ADGRL3: variants seen among roughly 807,000 people sequenced by gnomAD.
ADGRL3 encodes adhesion G protein-coupled receptor L3.
Under a neutral mutation model 153.5 loss-of-function variants are expected in ADGRL3, and 62 were observed. The ratio of observed to expected loss-of-function variants is 0.40; its 90% confidence interval spans 0.33 to 0.50. The LOEUF (loss-of-function observed/expected upper bound fraction) is 0.50. Ranked by LOEUF, ADGRL3 falls within the 20% of genes least tolerant of loss-of-function variation. ADGRL3 has a pLI of 0.47. For missense variants in ADGRL3, 1,641 were observed against 1,859.4 expected, an observed-to-expected ratio of 0.88 and a Z score of 2.16; for synonymous variants, 710 against 672.5, an observed-to-expected ratio of 1.06 and a Z score of -0.86.
intron 8 of ADGRL3, among the ~76,000 whole-genome samples, chr4:61,798,999 G>GTATATATATATATA (rs34782885): frequency 6.2e-5 from 5 of 80,756 alleles, no homozygotes; most frequent in East Asian, 3.8e-4. Flanking sequence ...TATATAAACA[G>GTATATATATATATA]TATATATATA....
chr4:61,877,344 C>G (rs911014842), intron 9 of ADGRL3, among the ~76,000 whole-genome samples: 3 of 152,128 alleles, frequency 2.0e-5, no homozygotes, highest in Non-Finnish European at 4.4e-5. Context: ...AACAGTGAAA[C>G]TATAGAGTTG....
intron 2 of ADGRL3, among the ~76,000 whole-genome samples, chr4:61,407,169 T>A (rs546956732): frequency 6.6e-6 from 1 of 152,204 alleles, no homozygotes; most frequent in South Asian, 2.1e-4. Context: ...TAATTTATTA[T>A]AATTTTGCAG....
chr4:61,637,457 T>C (rs528533077), intron 5 of ADGRL3, among the ~76,000 whole-genome samples: 245 of 152,232 alleles, frequency 1.6e-3, no homozygotes, highest in Non-Finnish European at 1.8e-3. Flanking sequence ...GAAACTAATA[T>C]GGGCATAAGT....
intron 2 of ADGRL3, among the ~76,000 whole-genome samples, chr4:61,445,155 T>C (rs1411905686): frequency 6.6e-6 from 1 of 152,212 alleles, no homozygotes; most frequent in African/African-American, 2.4e-5. Context: ...TCTTATGTAA[T>C]CTAAGAGAAA....
At chr4:61,404,824 C>T (rs9991089) in intron 2 of ADGRL3, among the ~76,000 whole-genome samples, 149,936 of 152,154 alleles carry the variant, frequency 0.99, 73,908 homozygotes, top group Middle Eastern at 1. Context: ...CGTGGTTAAA[C>T]AATGGCTTAG....
At chr4:61,580,677 G>T (rs969803513) in intron 4 of ADGRL3, among the ~76,000 whole-genome samples, 1 of 152,016 alleles carries the variant, frequency 6.6e-6, no homozygotes, top group Non-Finnish European at 1.5e-5. Context: ...GCTTTCTGGT[G>T]GATGGAAGAC....
At chr4:61,727,002 A>G (rs1170810938) in intron 6 of ADGRL3, among the ~76,000 whole-genome samples, 1 of 152,116 alleles carries the variant, frequency 6.6e-6, no homozygotes, top group East Asian at 1.9e-4. Flanking sequence ...ATTTCTCTCT[A>G]TTTTGTGATG....
Position 61,202,622 on chromosome 4 carries a change from G to A in ADGRL3, c.-240+857G>A, listed in dbSNP as rs921837621. Among the ~76,000 whole-genome samples the A allele has an allele frequency of 3.3e-5, 5 of 152,156 alleles. No homozygotes were observed. Among genetic ancestry groups the A allele is most frequent in the Non-Finnish European group, 7.4e-5 (5 of 68,022 alleles). On this transcript the variant is annotated intron_variant, in intron 1 of 26. Transcript: ENST00000683033. The surrounding 1 kb of genome is among the most constrained non-coding windows in gnomAD (Gnocchi z 5.0). The stretch of plus-strand genomic sequence containing the variant: ...CAGGTAGGAGAGAAGGCACCTCGGC[G>A]CTTCTCTGAGGAGAAGGGAAGGCTC...
At chr4:61,929,706 G>A (rs1222211160) in intron 13 of ADGRL3, among the ~76,000 whole-genome samples, 1 of 152,122 alleles carries the variant, frequency 6.6e-6, no homozygotes, top group Non-Finnish European at 1.5e-5. Flanking sequence ...GTTGTGCAGG[G>A]AAACAAATAT....
At chr4:62,037,661 T>A in intron 23 of ADGRL3, 70 bp from the exon 24 acceptor site, 3 of 1,522,088 alleles carry the variant, frequency 2.0e-6, no homozygotes, top group Non-Finnish European at 2.7e-6. Context: ...AAAACTCACA[T>A]ACATTGTCTA....
chr4:61,727,299 A>G (rs1198860860), intron 6 of ADGRL3, among the ~76,000 whole-genome samples: 2 of 152,160 alleles, frequency 1.3e-5, no homozygotes, highest in Non-Finnish European at 2.9e-5. Flanking sequence ...AGCTTATGAC[A>G]TTAAGTTTGA....
At chr4:61,894,395 AT>A (rs766411207) in intron 10 of ADGRL3, among the ~76,000 whole-genome samples, 43 of 152,298 alleles carry the variant, frequency 2.8e-4, no homozygotes, top group Admixed American at 1.7e-3. Flanking sequence ...ATATTTTAAA[AT>A]ATTCAAAAAT....
intron 9 of ADGRL3, among the ~76,000 whole-genome samples, chr4:61,859,301 A>G (rs753287111): frequency 5.3e-4 from 80 of 152,210 alleles, no homozygotes; most frequent in Admixed American, 2.0e-3. Context: ...TAATTTAGAT[A>G]AGCAGAAAGG....
intron 1 of ADGRL3, among the ~76,000 whole-genome samples, chr4:61,310,730 C>G (rs2094966198): frequency 9.1e-6 from 1 of 110,052 alleles, no homozygotes; most frequent in African/African-American, 3.0e-5. Flanking sequence ...CCTGTAAGAT[C>G]AGTTTTTTTT....
intron 6 of ADGRL3, among the ~76,000 whole-genome samples, chr4:61,684,530 G>A (rs1393579151): frequency 6.6e-6 from 1 of 152,046 alleles, no homozygotes; most frequent in East Asian, 1.9e-4. Flanking sequence ...CTGGCAAAGA[G>A]CTTATGTGTG....
In ADGRL3 at chr4:61,931,162, C is replaced by T. The variant is rs578116211; in HGVS notation, c.2113-3678C>T. Among the ~76,000 whole-genome samples, 3 of 152,218 alleles carry T rather than the reference C, an allele frequency of 2.0e-5. No individual in the cohort carries two copies. In the East Asian group the frequency reaches 5.8e-4, roughly 29 times the overall value. On this transcript the variant is annotated intron_variant, in intron 13 of 26. Coordinates refer to ENST00000683033, the MANE Select transcript of ADGRL3 (RefSeq NM_001387552.1). ...TCACATTATTTAAGTCTCTAAAAAA[C>T]TCATTATGAACTATTTAATACACAT...
intron 1 of ADGRL3, among the ~76,000 whole-genome samples, chr4:61,210,782 G>T (rs929492525): frequency 6.6e-6 from 1 of 152,088 alleles, no homozygotes; most frequent in African/African-American, 2.4e-5. Flanking sequence ...ACTTCAAGGC[G>T]TGGACAAAGA....
At chr4:61,620,918 C>T (rs1010430690) in intron 5 of ADGRL3, among the ~76,000 whole-genome samples, 3 of 152,036 alleles carry the variant, frequency 2.0e-5, no homozygotes, top group African/African-American at 4.8e-5. Context: ...AGATTACAGG[C>T]GTGAGCCACA....
chr4:62,070,646 C>T lies in ADGRL3; in HGVS notation c.4370C>T (p.Pro1457Leu), dbSNP rs371830824. 1.7e-5 allele frequency: 26 copies of T among 1,551,338 alleles called. No individual in the cohort carries two copies. In the African/African-American group the frequency reaches 2.3e-4, roughly 14 times the overall value. The change falls in exon 27 of 27, where the codon CCG becomes CTG. Residue 1457 changes from proline to leucine, a missense_variant. This residue lies in a region of ADGRL3 where 517 missense variants were observed against 555.0 expected (regional missense o/e 0.93). Transcript: ENST00000683033. ...PHRDSLYTSM[P>L]TLAGVAATES... The stretch of plus-strand genomic sequence containing the variant: ...AGAGACTCTCTCTATACCAGCATGC[C>T]GACACTGGCTGGTGTGGCCGCCACA...
Sources: allele counts gnomAD v4.1 joint callset (sites outside exome capture counted in the v4.1 genomes callset), GRCh38; gene constraint gnomAD v4.1.1; regional missense constraint gnomAD v4.1.1; non-coding constraint Gnocchi (gnomAD v3.1); transcripts MANE v1.5; gene names NCBI Gene and HGNC (gene_info 2026-07-23, HGNC 2026-07-21).